SDHC: variants seen among roughly 807,000 people sequenced by gnomAD.
The protein encoded by SDHC is succinate dehydrogenase complex subunit C, also known as succinate dehydrogenase cytochrome b560 subunit, mitochondrial.
In SDHC, 11 loss-of-function variants were observed where a neutral mutation model predicts 22.6. The observed-to-expected ratio is 0.49, with a 90% CI of 0.31 to 0.81. The LOEUF (loss-of-function observed/expected upper bound fraction) is 0.81, where lower values mean the gene tolerates loss of function less well. SDHC is among the 30% of genes least tolerant of loss of function. The pLI is 0.05. For synonymous variants in SDHC, 80 were observed against 77.8 expected (o/e 1.03, Z -0.15); for missense variants, 160 against 212.0 (o/e 0.75, Z 1.52).
chr1:161,330,048 T>C (rs1671218905), intron 3 of SDHC, among the ~76,000 whole-genome samples: 3 of 152,194 alleles, frequency 2.0e-5, no homozygotes, highest in Admixed American at 2.0e-4. Flanking sequence ...TAAGATAATA[T>C]ATTCACAGGT....
chr1:161,346,949 A>G (rs1230299211), intron 4 of SDHC, among the ~76,000 whole-genome samples: 1 of 152,182 alleles, frequency 6.6e-6, no homozygotes, highest in East Asian at 1.9e-4. Context: ...TATATTGTTT[A>G]TGGAATAATA....
intron 1 of SDHC, among the ~76,000 whole-genome samples, chr1:161,317,712 C>A (rs1035495880): frequency 1.3e-5 from 2 of 151,262 alleles, no homozygotes; most frequent in African/African-American, 4.9e-5. Flanking sequence ...CAGGCGTGTG[C>A]CACCATGCCA....
intron 4 of SDHC, among the ~76,000 whole-genome samples, 179 bp downstream of exon 4, chr1:161,340,834 A>G (rs1470560756): frequency 6.6e-6 from 1 of 152,072 alleles, no homozygotes; most frequent in Non-Finnish European, 1.5e-5. Context: ...CACTGTGCTC[A>G]GATTCTTTTC....
chr1:161,359,366 G>A (rs1044128336), intron 5 of SDHC, among the ~76,000 whole-genome samples: 1 of 152,184 alleles, frequency 6.6e-6, no homozygotes, highest in African/African-American at 2.4e-5. Flanking sequence ...TTAAGTGTCT[G>A]TATCAACTGT....
At chr1:161,328,292 A>G (rs1671141196) in intron 2 of SDHC, 104 bp from the exon 3 acceptor site, 1 of 929,676 alleles carries the variant, frequency 1.1e-6, no homozygotes, top group Admixed American at 1.7e-5. Flanking sequence ...CTGAGCAACC[A>G]TGCCTGGCTT....
chr1:161,354,746 G>C (rs1017847011), intron 4 of SDHC, among the ~76,000 whole-genome samples: 11 of 145,732 alleles, frequency 7.5e-5, no homozygotes, highest in Middle Eastern at 7.2e-3. Context: ...GCCTCACTCT[G>C]TTGCCCAGGC....
rs1472179294 is a variant in SDHC at position 161,351,670 on chromosome 1, C to T, written c.242-5007C>T. Among the ~76,000 whole-genome samples, 4 of 152,310 alleles carry T rather than the reference C, an allele frequency of 2.6e-5. No homozygotes were observed. In the East Asian group the frequency reaches 5.8e-4, roughly 22 times the overall value. The stretch of plus-strand genomic sequence containing the variant: ...ACTCTTACCAGAAGAGAAAATGCTT[C>T]TCAGAAATGCTTTACTTTACCTCAG... On this transcript the variant is annotated intron_variant, in intron 4 of 5. Coordinates refer to ENST00000367975, the MANE Select transcript of SDHC (RefSeq NM_003001.5).
At chr1:161,342,163 G>A (rs1671742990) in intron 4 of SDHC, among the ~76,000 whole-genome samples, 1 of 152,312 alleles carries the variant, frequency 6.6e-6, no homozygotes, top group East Asian at 1.9e-4. Context: ...AGTTCAGTGG[G>A]AGCCAGAAGA....
chr1:161,361,058 A>C (rs1348168690), intron 5 of SDHC, among the ~76,000 whole-genome samples: 1 of 152,130 alleles, frequency 6.6e-6, no homozygotes, highest in African/African-American at 2.4e-5. Context: ...CGTTGCTGTG[A>C]GCCAAGATGG....
At chr1:161,322,490 G>A (rs1159549201) in intron 1 of SDHC, among the ~76,000 whole-genome samples, 1 of 151,934 alleles carries the variant, frequency 6.6e-6, no homozygotes, top group Non-Finnish European at 1.5e-5. Flanking sequence ...GTTAGTTCCT[G>A]AAATGAACTA....
chr1:161,318,068 A>T (rs1222517604), intron 1 of SDHC, among the ~76,000 whole-genome samples: 2 of 151,798 alleles, frequency 1.3e-5, no homozygotes, highest in African/African-American at 4.8e-5. Flanking sequence ...GCTACTCGGG[A>T]GGCTAAGGCA....
intron 1 of SDHC, 82 bp from the exon 2 acceptor site, chr1:161,323,532 C>T (rs1670918105): frequency 9.7e-7 from 1 of 1,031,546 alleles, no homozygotes. Flanking sequence ...TAATCTATCC[C>T]TTCACCCCTA....
intron 5 of SDHC, 129 bp from the exon 6 acceptor site, chr1:161,362,197 TAGA>T: frequency 1.8e-6 from 2 of 1,098,240 alleles, no homozygotes; most frequent in Middle Eastern, 2.9e-4. Context: ...GGCATAAGGG[TAGA>T]AGCGCTTTTC....
intron 1 of SDHC, 38 bp downstream of exon 1, chr1:161,314,463 C>G: frequency 1.2e-6 from 2 of 1,611,044 alleles, no homozygotes; most frequent in Non-Finnish European, 1.7e-6. Flanking sequence ...GCCTGCGGCC[C>G]TCCGGAGATC....
At chr1:161,344,289 C>CA (rs1671821089) in intron 4 of SDHC, among the ~76,000 whole-genome samples, 1 of 151,622 alleles carries the variant, frequency 6.6e-6, no homozygotes, top group African/African-American at 2.4e-5. Flanking sequence ...GACTCCGTCT[C>CA]AAAAAATAAA....
intron 3 of SDHC, chr1:161,339,601 C>T: frequency 8.4e-7 from 1 of 1,189,200 alleles, no homozygotes; most frequent in Non-Finnish European, 1.1e-6. Flanking sequence ...AGGGATCCTT[C>T]TCCATAAATC....
At chr1:161,353,335 G>C (rs1255549425) in intron 4 of SDHC, among the ~76,000 whole-genome samples, 1 of 152,122 alleles carries the variant, frequency 6.6e-6, no homozygotes, top group East Asian at 1.9e-4. Flanking sequence ...AGTTTGCCCA[G>C]ATATCTAAGG....
chr1:161,333,401 CTTT>C (rs71581410), intron 3 of SDHC, among the ~76,000 whole-genome samples: 3 of 130,410 alleles, frequency 2.3e-5, no homozygotes, highest in African/African-American at 5.7e-5. Context: ...CTATGTTTAA[CTTT>C]TTTTTTTTTT....
At chr1:161,356,260 CG>C (rs1339911690) in intron 4 of SDHC, among the ~76,000 whole-genome samples, 24 of 151,984 alleles carry the variant, frequency 1.6e-4, no homozygotes, top group African/African-American at 5.8e-4. Context: ...TTTTCAAGGC[CG>C]GGTGCAGTGG....
Sources: gnomAD v4.1 joint callset for allele counts (sites outside exome capture counted in the v4.1 genomes callset) on GRCh38, gnomAD v4.1.1 for gene constraint, MANE v1.5 for transcripts, NCBI Gene and HGNC (gene_info 2026-07-23, HGNC 2026-07-21) for gene names.